Variants in JAK3 observed in about 807,000 individuals in gnomAD.
JAK3 encodes the protein tyrosine-protein kinase JAK3.
JAK3 carries 88 observed loss-of-function variants against 120.8 expected under a neutral mutation model. That is an observed-to-expected ratio of 0.73 (90% CI 0.61 to 0.87). JAK3 has a LOEUF of 0.87. JAK3 is among the 40% of genes least tolerant of loss of function. The probability of loss-of-function intolerance (pLI) is 0.00; values close to 1 mark genes in which losing one functional copy is unlikely to be tolerated. For synonymous variants in JAK3, 592 were observed against 628.6 expected, an observed-to-expected ratio of 0.94 and a Z score of 0.87; for missense variants, 1,254 against 1,501.4, an observed-to-expected ratio of 0.84 and a Z score of 2.72.
rs1052922667 is a variant in JAK3, at chr19:17,831,890, G to A, written c.2681-92C>T. On this transcript the variant is annotated intron_variant, in intron 19 of 23. Transcript: ENST00000458235. This position sits in a 1 kb window ranked among gnomAD's most constrained non-coding sequence, Gnocchi z 5.1. ...CACAGTGGGACCTTGTGTCCCTCTC[G>A]ACCTCAGTTTTGCTGACTGTAATAT... 3.2e-6 allele frequency: 5 copies of A among 1,538,588 alleles called. No individual in the cohort carries two copies. The highest frequency in any genetic ancestry group is 4.5e-6 in the Non-Finnish European group (5 of 1,121,074).
In JAK3 at chr19:17,842,651, G is replaced by C; in HGVS notation, c.567-41C>G. On this transcript the variant is annotated intron_variant, in intron 5 of 23. Transcript: ENST00000458235. The surrounding 1 kb of genome is among the most constrained non-coding windows in gnomAD (Gnocchi z 6.4). Reference sequence around the variant, plus strand: ...GGGAGGGAGCCGGCCCTCAGCGTCGGGAGGGGTCCCCGCGGGGACACACAC... The same window carrying C: ...GGGAGGGAGCCGGCCCTCAGCGTCGCGAGGGGTCCCCGCGGGGACACACAC... 1 of 1,510,962 alleles carries C rather than the reference G, an allele frequency of 6.6e-7. No individual in the cohort carries two copies. The highest frequency in any genetic ancestry group is 2.4e-5 in the East Asian group (1 of 41,388). 93.6% of individuals were successfully genotyped at this position (1,510,962 alleles called of 1,614,324 possible). A position where few individuals can be genotyped will look rare whatever the true frequency, so the allele number is the denominator to read the frequency against.
rs3212777 is a variant in JAK3 at position 17,831,128 on chromosome 19, A to C, written c.2978+100T>G. 5 of 1,285,906 alleles carry C rather than the reference A, an allele frequency of 3.9e-6. 1 individual carries two copies. The highest frequency in any genetic ancestry group is 1.9e-5 in the African/African-American group (1 of 53,208). 79.7% of individuals were successfully genotyped at this position (1,285,906 alleles called of 1,614,324 possible). On this transcript the variant is annotated intron_variant, in intron 21 of 23. Transcript: ENST00000458235. The surrounding 1 kb of genome is among the most constrained non-coding windows in gnomAD (Gnocchi z 5.1). ...GCTGCAGCGGAGGAAGGGCGGGGCT[A>C]AGGCTGGGGAGCAAAGCAGCGGGAG... is the stretch of plus-strand genomic sequence containing the variant.
At position 17,831,516 on chromosome 19, in the gene JAK3, CCT is replaced by C; in HGVS notation, c.2806-118_2806-117del. The C allele has an allele frequency of 6.6e-7, 1 of 1,519,282 alleles. No homozygotes were observed. The highest frequency in any genetic ancestry group is 1.2e-5 in the South Asian group (1 of 86,738). 94.1% of individuals were successfully genotyped at this position (1,519,282 alleles called of 1,614,324 possible). A position where few individuals can be genotyped will look rare whatever the true frequency, so the allele number is the denominator to read the frequency against. ...AACTATAACCCTACCCCCGAGCCAT[CCT>C]CCACTGAAGTTCTGATCCTGAGCCC... On this transcript the variant is annotated intron_variant, in intron 20 of 23. Transcript: ENST00000458235. The surrounding 1 kb of genome is among the most constrained non-coding windows in gnomAD (Gnocchi z 5.1).
intron 17 of JAK3, among the ~76,000 whole-genome samples, 183 bp downstream of exon 17, chr19:17,834,388 T>G (rs1457633447): frequency 2.6e-5 from 4 of 152,094 alleles, no homozygotes; most frequent in African/African-American, 9.7e-5. Context: ...ATCATCATGT[T>G]GAACCTTGAA....
At chr19:17,833,068 C>T (rs1051661470) in intron 17 of JAK3, 139 bp from the exon 18 acceptor site, 8 of 1,455,336 alleles carry the variant, frequency 5.5e-6, no homozygotes, top group Middle Eastern at 2.4e-4. Flanking sequence ...CCAAAGGGTA[C>T]CTTGTGGAGA....
Position 17,842,286 on chromosome 19 carries a change from G to C in JAK3, c.861+30C>G. 6.6e-7 allele frequency: 1 copy of C among 1,514,512 alleles called. No homozygotes were observed. The highest frequency in any genetic ancestry group is 8.8e-7 in the Non-Finnish European group (1 of 1,135,380). The allele number at this position is 1,514,512 out of a possible 1,614,324, so 93.8% of individuals were successfully genotyped here. On this transcript the variant is annotated intron_variant, in intron 6 of 23. Coordinates refer to ENST00000458235, the MANE Select transcript of JAK3 (RefSeq NM_000215.4). This position sits in a 1 kb window ranked among gnomAD's most constrained non-coding sequence, Gnocchi z 6.4. ...CTCCCCGAGCCCCGCCCCCACGTTG[G>C]CCCCGCCCAGCGGGGGAGTCCGCCC...
In JAK3 at chr19:17,832,497, A is replaced by C; in HGVS notation, c.2680+22T>G. 1 of 1,613,314 alleles carries C rather than the reference A, an allele frequency of 6.2e-7. No individual in the cohort carries two copies. The highest frequency in any genetic ancestry group is 1.1e-5 in the South Asian group (1 of 91,072). On this transcript the variant is annotated intron_variant, in intron 19 of 23. Coordinates refer to ENST00000458235, the MANE Select transcript of JAK3 (RefSeq NM_000215.4). The surrounding 1 kb of genome is among the most constrained non-coding windows in gnomAD (Gnocchi z 4.7). ...GAAAAGCACCCATACGTCTTGGTTC[A>C]CTCATCCGGGAGCTGGCTCACCCGG... is the stretch of plus-strand genomic sequence containing the variant.
Position 17,842,681 on chromosome 19 carries a change from C to G in JAK3, c.567-71G>C. ...GGTCCCCGCGGGGACACACACAAAC[C>G]CAGGCTTTAGCCCAGGGGCTGGGGT... On this transcript the variant is annotated intron_variant, in intron 5 of 23. Transcript: ENST00000458235. This position sits in a 1 kb window ranked among gnomAD's most constrained non-coding sequence, Gnocchi z 6.4. The G allele has an allele frequency of 7.0e-7, 1 of 1,435,974 alleles. No homozygotes were observed. The highest frequency in any genetic ancestry group is 9.3e-7 in the Non-Finnish European group (1 of 1,077,394). The allele number at this position is 1,435,974 out of a possible 1,614,324, so 89.0% of individuals were successfully genotyped here.
intron 16 of JAK3, 21 bp downstream of exon 16, chr19:17,834,831 T>C (rs200521654): frequency 2.0e-4 from 317 of 1,613,598 alleles, no homozygotes; most frequent in Middle Eastern, 6.6e-4. Flanking sequence ...CGGAGACCGA[T>C]GCCGGGTGAG....
intron 8 of JAK3, among the ~76,000 whole-genome samples, chr19:17,840,905 A>G (rs972695977): frequency 9.2e-5 from 14 of 151,860 alleles, no homozygotes; most frequent in Admixed American, 9.2e-4. Context: ...GCAGCCTCCA[A>G]CTCCTGGGCT....
intron 9 of JAK3, 75 bp from the exon 10 acceptor site, chr19:17,839,738 C>CTTT (rs71164315): frequency 1.3e-3 from 1,052 of 793,794 alleles, no homozygotes; most frequent in Middle Eastern, 1.6e-3. Flanking sequence ...CCTTTTTTTT[C>CTTT]TTTTTTTTTT....
At chr19:17,839,428 A>C in intron 10 of JAK3, 49 bp downstream of exon 10, 1 of 1,525,644 alleles carries the variant, frequency 6.6e-7, no homozygotes, top group Non-Finnish European at 8.9e-7. Flanking sequence ...AGACATAGAA[A>C]GCCAGGGTCC....
At chr19:17,827,399 A>G (rs1230244349) in intron 23 of JAK3, among the ~76,000 whole-genome samples, 6 of 146,994 alleles carry the variant, frequency 4.1e-5, no homozygotes, top group Non-Finnish European at 9.0e-5. Context: ...CCAGGCTGGA[A>G]TGCAGTGGTG....
In JAK3 at chr19:17,836,130, C is replaced by T. The variant is rs189090174; in HGVS notation, c.1787-79G>A. On this transcript the variant is annotated intron_variant, in intron 13 of 23. Coordinates refer to ENST00000458235, the MANE Select transcript of JAK3 (RefSeq NM_000215.4). ...AGGAGGTTCTGCCAACACCCTGGCT[C>T]TCAGGGTCTCTCAAACTCTCATCTC... The T allele has an allele frequency of 2.2e-5, 33 of 1,522,602 alleles. No individual in the cohort carries two copies. In the African/African-American group the frequency reaches 3.5e-4, roughly 16 times the overall value. The allele number at this position is 1,522,602 out of a possible 1,614,324, so 94.3% of individuals were successfully genotyped here.
At chr19:17,835,244 C>T (rs760311205) in intron 14 of JAK3, 29 bp from the exon 15 acceptor site, 6 of 1,610,394 alleles carry the variant, frequency 3.7e-6, no homozygotes, top group African/African-American at 1.3e-5. Flanking sequence ...GGAAAATGCC[C>T]GGGAGGGTTT....
chr19:17,837,129 T>C lies in JAK3; in HGVS notation c.1786A>G (p.Ser596Gly). The change falls in exon 13 of 24, where the codon AGC becomes GGC. Residue 596 changes from serine to glycine, a missense_variant and splice_region_variant. Ser to Gly is a moderately conservative substitution (Grantham distance 56). Around this residue, in one of 3 missense-constraint regions of JAK3, gnomAD observed 630 missense variants for 819.8 expected, o/e 0.77. Transcript: ENST00000458235. ...GGGTGGGTGGGTGGGGGGCTCTCAC[T>C]GTCTCCAGCCATGCACACGCCGTGG... is the stretch of plus-strand genomic sequence containing the variant. ...LLHGVCMAGD[S>G]TMVQEFVHLG... is the part of the protein sequence containing the mutation. 1 of 1,549,260 alleles carries C rather than the reference T, an allele frequency of 6.5e-7. No individual in the cohort carries two copies. The highest frequency in any genetic ancestry group is 1.2e-5 in the South Asian group (1 of 83,998).
intron 23 of JAK3, among the ~76,000 whole-genome samples, chr19:17,827,691 C>T (rs927941207): frequency 1.3e-4 from 18 of 135,846 alleles, no homozygotes; most frequent in African/African-American, 4.9e-4. Flanking sequence ...ACTACCCTGA[C>T]CAACATGGAG....
chr19:17,831,337 C>T lies in JAK3; in HGVS notation c.2869G>A (p.Val957Met). ...HRDLAARNIL[V>M]ESEAHVKIAD... ...ATCTTGACGTGTGCCTCGCTCTCCA[C>T]GAGGATGTTTCGGGCGGCCAGGTCG... Residue 957 changes from valine (V) to methionine (M), a missense_variant, in exon 21 of 24, where the codon GTG (valine) becomes ATG (methionine). Physicochemically the swap from Val to Met is conservative, Grantham distance 21 (BLOSUM62 1). This residue lies in a region of JAK3 where 630 missense variants were observed against 819.8 expected (regional missense o/e 0.77). Coordinates refer to ENST00000458235, the MANE Select transcript of JAK3 (RefSeq NM_000215.4). The surrounding 1 kb of genome is among the most constrained non-coding windows in gnomAD (Gnocchi z 5.1). 1 of 1,611,720 alleles carries T rather than the reference C, an allele frequency of 6.2e-7. No homozygotes were observed. Among genetic ancestry groups the T allele is most frequent in the East Asian group, 2.2e-5 (1 of 44,874 alleles).
At position 17,843,059 on chromosome 19, in the gene JAK3, G is replaced by A. The variant is rs200623405; in HGVS notation, c.534C>T (p.Ala178=). Residue 178 remains alanine (A), a synonymous_variant, in exon 5 of 24, where the codon GCC becomes GCT. Transcript: ENST00000458235. The surrounding 1 kb of genome is among the most constrained non-coding windows in gnomAD (Gnocchi z 5.4). ...LDLARMAREQ[A]QRPGELLKTV... is the part of the protein sequence containing the mutation. ...TCTTCAGCAGCTCTCCCGGCCGCTG[G>A]GCCTGCTCTCGCGCCATCCGGGCCA... 6.8e-6 allele frequency: 11 copies of A among 1,610,816 alleles called. No individual in the cohort carries two copies. The highest frequency in any genetic ancestry group is 1.1e-5 in the South Asian group (1 of 91,078).
Sources: allele counts gnomAD v4.1 joint callset (sites outside exome capture counted in the v4.1 genomes callset), GRCh38; gene constraint gnomAD v4.1.1; regional missense constraint gnomAD v4.1.1; non-coding constraint Gnocchi (gnomAD v3.1); transcripts MANE v1.5; gene names NCBI Gene and HGNC (gene_info 2026-07-23, HGNC 2026-07-21).